Variants in SYT14 observed in about 807,000 individuals in gnomAD.
SYT14 encodes synaptotagmin 14.
In SYT14, 32 loss-of-function variants were observed where a neutral mutation model predicts 74.2. That is an observed-to-expected ratio of 0.43 (90% CI 0.33 to 0.58). The LOEUF is 0.58. SYT14 is among the 20% of genes least tolerant of loss of function. SYT14 has a pLI of 0.05. For missense variants in SYT14, 791 were observed against 981.8 expected, an observed-to-expected ratio of 0.81 and a Z score of 2.60; for synonymous variants, 298 against 337.7, an observed-to-expected ratio of 0.88 and a Z score of 1.29.
In SYT14 at chr1:209,952,445, T is replaced by G. The variant is rs543846526; in HGVS notation, c.-533-264T>G. On this transcript the variant is annotated intron_variant, in intron 1 of 9. Coordinates refer to ENST00000637265, the Ensembl canonical transcript of SYT14. The stretch of plus-strand genomic sequence containing the variant: ...GATGCTTGGGAAATATTGATGTGAT[T>G]TCTGCTGTTGAGAAGCTTGCCATTC... 7.6e-4 allele frequency among the ~76,000 whole-genome samples: 115 copies of G among 152,316 alleles called. 1 individual carries two copies. The highest frequency in any genetic ancestry group is 2.6e-3 in the African/African-American group (109 of 41,574).
At chr1:209,956,982 G>A (rs1187092362) in intron 2 of SYT14, among the ~76,000 whole-genome samples, 1 of 151,774 alleles carries the variant, frequency 6.6e-6, no homozygotes, top group Non-Finnish European at 1.5e-5. Context: ...ATTGCTGAAG[G>A]GCCTTTTCCC....
chr1:210,085,587 T>A (rs1408950368), intron 5 of SYT14, among the ~76,000 whole-genome samples: 1 of 152,252 alleles, frequency 6.6e-6, no homozygotes, highest in African/African-American at 2.4e-5. Flanking sequence ...GAATGGATAA[T>A]GAATTTTATC....
At chr1:210,111,682 T>A (rs2082265058) in intron 7 of SYT14, among the ~76,000 whole-genome samples, 2 of 151,072 alleles carry the variant, frequency 1.3e-5, no homozygotes, top group Non-Finnish European at 2.9e-5. Context: ...TATAGAATGA[T>A]TGGTGATGGC....
At chr1:209,966,820 T>C (rs1218334034) in intron 2 of SYT14, among the ~76,000 whole-genome samples, 1 of 152,216 alleles carries the variant, frequency 6.6e-6, no homozygotes, top group African/African-American at 2.4e-5. Context: ...TTTCTTTCTT[T>C]TTCCTGCCTT....
At chr1:210,036,790 C>T (rs907072371) in intron 5 of SYT14, among the ~76,000 whole-genome samples, 10 of 151,942 alleles carry the variant, frequency 6.6e-5, no homozygotes, top group South Asian at 2.1e-4. Flanking sequence ...CCCACTTGAT[C>T]GTGGTGTATT....
At chr1:210,170,010 TTAA>T (rs2083506842) in exon 10 of SYT14, 2 of 152,142 alleles carry the variant, frequency 1.3e-5, no homozygotes, top group South Asian at 4.1e-4. Context: ...AGAAGCTTCC[TTAA>T]TAATATAGTT....
intron 2 of SYT14, among the ~76,000 whole-genome samples, chr1:209,998,870 A>G (rs751282316): frequency 6.6e-6 from 1 of 152,100 alleles, no homozygotes; most frequent in Non-Finnish European, 1.5e-5. Context: ...ATACTTCAGG[A>G]CATTGGGTTA....
chr1:210,156,769 C>T, intron 8 of SYT14: 2 of 164,842 alleles, frequency 1.2e-5, no homozygotes, highest in South Asian at 1.8e-4. Flanking sequence ...TCTCGGCTCA[C>T]TGAAACCTCC....
intron 2 of SYT14, among the ~76,000 whole-genome samples, chr1:210,012,673 C>T (rs1178468701): frequency 6.6e-6 from 1 of 151,510 alleles, no homozygotes; most frequent in African/African-American, 2.4e-5. Context: ...GTAATATATC[C>T]GTGCATCAGA....
At chr1:209,953,456 G>A (rs910984339) in intron 2 of SYT14, among the ~76,000 whole-genome samples, 4 of 152,014 alleles carry the variant, frequency 2.6e-5, no homozygotes, top group Non-Finnish European at 5.9e-5. Flanking sequence ...TTTAAACTTG[G>A]GGCACTTTCT....
At chr1:210,164,192 G>T in exon 10 of SYT14, 1 of 345,474 alleles carries the variant, frequency 2.9e-6, no homozygotes, top group Non-Finnish European at 5.7e-6. Context: ...ATCCACTTTT[G>T]TTTGAAATCC....
chr1:210,013,815 G>A lies in SYT14; in HGVS notation c.-321+18G>A. 6.2e-7 allele frequency: 1 copy of A among 1,606,934 alleles called. No homozygotes were observed. Among genetic ancestry groups the A allele is most frequent in the Non-Finnish European group, 8.5e-7 (1 of 1,177,176 alleles). ...TAAAATTTGTAAGTATCGTATTGCT[G>A]CTTCTCTTGTTTGTTCTTTTTATCC... On this transcript the variant is annotated intron_variant, in intron 3 of 9. Transcript: ENST00000637265.
intron 7 of SYT14, among the ~76,000 whole-genome samples, chr1:210,130,857 G>A (rs1190702586): frequency 1.3e-5 from 2 of 152,134 alleles, no homozygotes; most frequent in Non-Finnish European, 2.9e-5. Flanking sequence ...GTTGGTCTCA[G>A]AAATATACTT....
At chr1:210,018,074 A>G (rs2080223238) in intron 4 of SYT14, among the ~76,000 whole-genome samples, 1 of 152,244 alleles carries the variant, frequency 6.6e-6, no homozygotes. Context: ...TGGATGAACT[A>G]ACTTAAAAGA....
chr1:209,992,384 C>A (rs1002692050), intron 2 of SYT14, among the ~76,000 whole-genome samples: 5 of 152,110 alleles, frequency 3.3e-5, no homozygotes, highest in African/African-American at 1.2e-4. Flanking sequence ...TTTGCAGCAA[C>A]ATGGAGGGAA....
chr1:210,098,372 T>C (rs2082003292), intron 6 of SYT14, among the ~76,000 whole-genome samples: 1 of 152,134 alleles, frequency 6.6e-6, no homozygotes, highest in African/African-American at 2.4e-5. Flanking sequence ...CTCTTTTGTT[T>C]AACAACAGTG....
intron 7 of SYT14, among the ~76,000 whole-genome samples, chr1:210,120,802 A>G (rs1242914901): frequency 2.0e-5 from 3 of 152,102 alleles, no homozygotes; most frequent in African/African-American, 7.2e-5. Context: ...TTTGTTAGTC[A>G]GTTTACTTTC....
chr1:209,965,114 A>G (rs2079134382), intron 2 of SYT14, among the ~76,000 whole-genome samples: 1 of 152,208 alleles, frequency 6.6e-6, no homozygotes. Context: ...GTACATGTTC[A>G]TGTTTGTTAC....
intron 7 of SYT14, among the ~76,000 whole-genome samples, chr1:210,133,307 T>C (rs1022757261): frequency 6.6e-6 from 1 of 152,218 alleles, no homozygotes; most frequent in Non-Finnish European, 1.5e-5. Flanking sequence ...CTTCAACACT[T>C]ATTATTCCTA....
Sources: gnomAD v4.1 joint callset for allele counts (sites outside exome capture counted in the v4.1 genomes callset) on GRCh38, gnomAD v4.1.1 for gene constraint, MANE v1.5 for transcripts, NCBI Gene and HGNC (gene_info 2026-07-23, HGNC 2026-07-21) for gene names.